Variants in CCDC73 observed in about 807,000 individuals in gnomAD.
The protein encoded by CCDC73 is coiled-coil domain containing 73, also known as coiled-coil domain-containing protein 73.
Under a neutral mutation model 116.5 loss-of-function variants are expected in CCDC73, and 95 were observed. The observed-to-expected ratio is 0.82, with a 90% CI of 0.69 to 0.97. The LOEUF (loss-of-function observed/expected upper bound fraction) is 0.97, where lower values mean the gene tolerates loss of function less well. CCDC73 is among the 50% of genes least tolerant of loss of function. The pLI is 0.00. For synonymous variants in CCDC73, 398 were observed against 401.3 expected (o/e 0.99, Z 0.10); for missense variants, 1,066 against 1,206.8 (o/e 0.88, Z 1.73).
At chr11:32,828,753 G>A in the CCDC73 span, among the ~76,000 whole-genome samples, 2 of 152,050 alleles carry the variant, frequency 1.3e-5, no homozygotes, top group African/African-American at 4.8e-5. Flanking sequence ...CATTATCAAG[G>A]ACCCCAAAGA....
At chr11:32,668,325 A>G (rs1227565251) in intron 9 of CCDC73, among the ~76,000 whole-genome samples, 1 of 152,216 alleles carries the variant, frequency 6.6e-6, no homozygotes, top group Non-Finnish European at 1.5e-5. Flanking sequence ...AGGCTTTCCT[A>G]TAGACCATAA....
intron 6 of CCDC73, among the ~76,000 whole-genome samples, chr11:32,696,297 C>T (rs556772745): frequency 1.3e-5 from 2 of 152,166 alleles, no homozygotes; most frequent in Non-Finnish European, 2.9e-5. Context: ...ATATAGGTAT[C>T]ATTTAATGCA....
At chr11:32,722,739 T>C (rs1850000425) in intron 2 of CCDC73, among the ~76,000 whole-genome samples, 1 of 152,240 alleles carries the variant, frequency 6.6e-6, no homozygotes, top group East Asian at 1.9e-4. Flanking sequence ...GGTTCTCTTT[T>C]AACCACTTCT....
In CCDC73 at chr11:32,719,619, A is replaced by G. The variant is rs1849973699; in HGVS notation, c.136-1472T>C. On this transcript the variant is annotated intron_variant, in intron 2 of 17. Transcript: ENST00000335185. ...CAAAGTGTAGCCCATTATATGGGGG[A>G]AAAAAATTAATGGAAATTATACTTT... 2.0e-5 allele frequency among the ~76,000 whole-genome samples: 3 copies of G among 152,182 alleles called. No homozygotes were observed. The South Asian group carries it at 6.2e-4, about 32-fold the overall frequency.
chr11:32,779,954 A>T (rs1256491438), intron 1 of CCDC73, among the ~76,000 whole-genome samples: 1 of 152,184 alleles, frequency 6.6e-6, no homozygotes, highest in South Asian at 2.1e-4. Context: ...GAACACCTCA[A>T]TGGTAATCTA....
intron 14 of CCDC73, 131 bp from the exon 15 acceptor site, chr11:32,616,260 T>C (rs928627654): frequency 2.7e-5 from 25 of 923,272 alleles, no homozygotes; most frequent in Non-Finnish European, 3.7e-5. Context: ...AGTCAAATGA[T>C]TTTTTAGTAA....
intron 12 of CCDC73, among the ~76,000 whole-genome samples, chr11:32,651,395 C>T (rs922598117): frequency 1.3e-5 from 2 of 152,176 alleles, no homozygotes; most frequent in African/African-American, 2.4e-5. Context: ...CTAGGCCCTC[C>T]CTGCCTGCAC....
At chr11:32,821,306 A>G in the CCDC73 span, among the ~76,000 whole-genome samples, 1 of 152,190 alleles carries the variant, frequency 6.6e-6, no homozygotes, top group Non-Finnish European at 1.5e-5. Context: ...CTATACAAAG[A>G]AAATATTCGC....
intron 6 of CCDC73, among the ~76,000 whole-genome samples, chr11:32,697,831 G>C (rs575749010): frequency 6.6e-5 from 10 of 151,548 alleles, no homozygotes; most frequent in Non-Finnish European, 1.3e-4. Flanking sequence ...AGGTTCAGGG[G>C]TACATATGCA....
intron 9 of CCDC73, among the ~76,000 whole-genome samples, chr11:32,659,309 G>A (rs1032322491): frequency 1.3e-5 from 2 of 152,124 alleles, no homozygotes; most frequent in African/African-American, 4.8e-5. Flanking sequence ...CACAAAAGGA[G>A]ATGATCTACA....
chr11:32,732,234 A>C (rs186450719), intron 2 of CCDC73, among the ~76,000 whole-genome samples: 1 of 152,358 alleles, frequency 6.6e-6, no homozygotes, highest in East Asian at 1.9e-4. Context: ...AGTAAAACGA[A>C]ATGAGCAAAA....
At chr11:32,607,763 G>A (rs963183983) in intron 17 of CCDC73, among the ~76,000 whole-genome samples, 1 of 152,084 alleles carries the variant, frequency 6.6e-6, no homozygotes, top group African/African-American at 2.4e-5. Flanking sequence ...AGAGTGAAAA[G>A]GGTGTATTAG....
At chr11:32,809,168 T>C in the CCDC73 span, among the ~76,000 whole-genome samples, 1 of 152,194 alleles carries the variant, frequency 6.6e-6, no homozygotes, top group Admixed American at 6.5e-5. Context: ...TCCAGGACAA[T>C]TTAGGGATAA....
rs144445292 is a variant in CCDC73 at position 32,628,379 on chromosome 11, C to T, written c.1185+7317G>A. Among the ~76,000 whole-genome samples the T allele has an allele frequency of 1.0e-3, 157 of 152,262 alleles. No homozygotes were observed. In the East Asian group the frequency reaches 0.013, roughly 12 times the overall value. On this transcript the variant is annotated intron_variant, in intron 14 of 17. Transcript: ENST00000335185. ...TGAGGCAATGTACTGAAGATGAAGG[C>T]GCTACCCAGAAAAAGAGCTCCAGGC...
the CCDC73 span, among the ~76,000 whole-genome samples, chr11:32,827,763 G>A: frequency 6.6e-6 from 1 of 152,160 alleles, no homozygotes; most frequent in Admixed American, 6.5e-5. Context: ...GAACTTTACA[G>A]GCCCACATTC....
the CCDC73 span, among the ~76,000 whole-genome samples, chr11:32,823,956 G>A: frequency 0.037 from 5,589 of 152,116 alleles, 156 homozygotes; most frequent in Non-Finnish European, 0.054. Flanking sequence ...GTGCAGTGGC[G>A]CAATCTTGGC....
intron 6 of CCDC73, among the ~76,000 whole-genome samples, chr11:32,698,011 ATTTTTTT>A (rs869153507): frequency 3.2e-4 from 6 of 18,860 alleles, no homozygotes; most frequent in Non-Finnish European, 5.4e-4. Flanking sequence ...CTAACACTGA[ATTTTTTT>A]TTTTTTTTTT....
chr11:32,729,424 T>C (rs1850056956), intron 2 of CCDC73, among the ~76,000 whole-genome samples: 2 of 152,250 alleles, frequency 1.3e-5, no homozygotes, highest in African/African-American at 4.8e-5. Context: ...CTATCACTCA[T>C]GGGCTTTTAG....
rs558089539 is a variant in CCDC73, at chr11:32,667,434, T to C, written c.645+8131A>G. 2.0e-5 allele frequency among the ~76,000 whole-genome samples: 3 copies of C among 152,302 alleles called. No individual in the cohort carries two copies. The East Asian group carries it at 5.8e-4, about 29-fold the overall frequency. On this transcript the variant is annotated intron_variant, in intron 9 of 17. Coordinates refer to ENST00000335185, the MANE Select transcript of CCDC73 (RefSeq NM_001008391.4). ...AGACTGCTGTGCTAGCAGTGAGCAA[T>C]GCTCCGTGGGTGTGGCACCGTCCAA...
Sources: allele counts gnomAD v4.1 joint callset (sites outside exome capture counted in the v4.1 genomes callset), GRCh38; gene constraint gnomAD v4.1.1; transcripts MANE v1.5; gene names NCBI Gene and HGNC (gene_info 2026-07-23, HGNC 2026-07-21).